ATF6: variants seen among roughly 807,000 people sequenced by gnomAD.
ATF6 encodes cyclic AMP-dependent transcription factor ATF-6 alpha.
ATF6 carries 53 observed loss-of-function variants against 83.6 expected under a neutral mutation model. The observed-to-expected ratio is 0.63, with a 90% confidence interval of 0.51 to 0.80. The LOEUF is 0.80. ATF6 is among the 30% of genes least tolerant of loss of function. The probability of loss-of-function intolerance (pLI) is 0.00; values close to 1 mark genes in which losing one functional copy is unlikely to be tolerated. For missense variants in ATF6, 744 were observed against 797.9 expected (o/e 0.93, Z 0.81); for synonymous variants, 288 against 285.8 (o/e 1.01, Z -0.08).
intron 15 of ATF6, among the ~76,000 whole-genome samples, chr1:161,934,293 T>TA (rs1337454584): frequency 6.6e-6 from 1 of 152,158 alleles, no homozygotes; most frequent in African/African-American, 2.4e-5. Context: ...CAAAACTTTT[T>TA]AAAGAAAAGT....
intron 14 of ATF6, among the ~76,000 whole-genome samples, chr1:161,876,716 C>T (rs12021568): frequency 0.14 from 21,528 of 151,928 alleles, 2,088 homozygotes; most frequent in East Asian, 0.31. Context: ...AATGTATGGT[C>T]ATTTTTTATT....
Position 161,810,150 on chromosome 1 carries a change from C to G in ATF6, c.909+7878C>G, listed in dbSNP as rs112175965. Among the ~76,000 whole-genome samples the G allele has an allele frequency of 9.8e-3, 1,495 of 152,242 alleles. 8 individuals are homozygous for G. Among genetic ancestry groups the G allele is most frequent in the South Asian group, 0.017 (83 of 4,814 alleles). ...AATCAGCATCCTATATTAGTCAGTT[C>G]TCACACTTCTATAAAGAAATACCTG... On this transcript the variant is annotated intron_variant, in intron 7 of 15. Transcript: ENST00000367942.
At chr1:161,794,070 C>A (rs531186989) in intron 6 of ATF6, among the ~76,000 whole-genome samples, 5 of 152,176 alleles carry the variant, frequency 3.3e-5, no homozygotes, top group Admixed American at 6.5e-5. Context: ...CCATGCCCAG[C>A]TAATTTTTAT....
intron 15 of ATF6, among the ~76,000 whole-genome samples, chr1:161,941,442 T>C (rs1327935744): frequency 1.3e-5 from 2 of 152,196 alleles, no homozygotes; most frequent in Non-Finnish European, 2.9e-5. Flanking sequence ...TGGGAGAAGT[T>C]GTGTGGACTT....
At chr1:161,946,155 C>T (rs1451767559) in intron 15 of ATF6, among the ~76,000 whole-genome samples, 1 of 152,088 alleles carries the variant, frequency 6.6e-6, no homozygotes, top group African/African-American at 2.4e-5. Flanking sequence ...CCATCATGCC[C>T]AGCTAATTTT....
chr1:161,825,403 G>A (rs1180056078), intron 9 of ATF6, among the ~76,000 whole-genome samples: 3 of 152,188 alleles, frequency 2.0e-5, no homozygotes, highest in Non-Finnish European at 4.4e-5. Flanking sequence ...TAAGGGCTGA[G>A]TATCCAAAGA....
At chr1:161,791,691 C>T (rs944875710) in intron 5 of ATF6, among the ~76,000 whole-genome samples, 154 bp downstream of exon 5, 33 of 152,012 alleles carry the variant, frequency 2.2e-4, no homozygotes, top group Non-Finnish European at 3.8e-4. Context: ...GAGTGATTAC[C>T]GTGGAGAGGA....
intron 14 of ATF6, among the ~76,000 whole-genome samples, chr1:161,908,739 T>C (rs1000278397): frequency 2.0e-5 from 3 of 152,242 alleles, no homozygotes; most frequent in African/African-American, 7.2e-5. Context: ...TATATTTCTT[T>C]CTATGGCAAC....
At chr1:161,799,983 G>A (rs969479457) in intron 6 of ATF6, among the ~76,000 whole-genome samples, 14 of 151,864 alleles carry the variant, frequency 9.2e-5, no homozygotes, top group African/African-American at 3.4e-4. Flanking sequence ...TATTTTAGTT[G>A]CCAGTTATTT....
intron 14 of ATF6, among the ~76,000 whole-genome samples, chr1:161,898,015 A>G (rs962113571): frequency 1.3e-5 from 2 of 152,150 alleles, no homozygotes; most frequent in African/African-American, 4.8e-5. Context: ...CTCTTGTGGT[A>G]TATTTTGGAG....
intron 1 of ATF6, among the ~76,000 whole-genome samples, chr1:161,770,903 T>A (rs902498809): frequency 1.3e-5 from 2 of 152,212 alleles, no homozygotes; most frequent in African/African-American, 4.8e-5. Flanking sequence ...TTGTAAGAAA[T>A]TGCCAAACTG....
rs188293378 is a variant in ATF6 at position 161,927,756 on chromosome 1, A to G, written c.1804+15376A>G. Among the ~76,000 whole-genome samples the G allele has an allele frequency of 4.1e-3, 617 of 152,340 alleles. 2 individuals carry two copies. The highest frequency in any genetic ancestry group is 6.6e-3 in the Non-Finnish European group (447 of 68,022). The stretch of plus-strand genomic sequence containing the variant: ...ATATTAATTTTCCCATTTAAAATAG[A>G]TAATATTCAGTGTTCGATGAAGAAA... On this transcript the variant is annotated intron_variant, in intron 15 of 15. Coordinates refer to ENST00000367942, the MANE Select transcript of ATF6 (RefSeq NM_007348.4).
At chr1:161,777,031 A>C (rs1684531419) in intron 1 of ATF6, among the ~76,000 whole-genome samples, 1 of 152,234 alleles carries the variant, frequency 6.6e-6, no homozygotes, top group Non-Finnish European at 1.5e-5. Flanking sequence ...GCTTCAGTTA[A>C]AATGAAAGGA....
chr1:161,820,104 C>T (rs1395215885), intron 8 of ATF6, among the ~76,000 whole-genome samples: 1 of 152,104 alleles, frequency 6.6e-6, no homozygotes. Flanking sequence ...ACTGAGGCTT[C>T]TAAAGTGCCC....
intron 1 of ATF6, among the ~76,000 whole-genome samples, chr1:161,773,580 T>G (rs929628250): frequency 5.9e-5 from 9 of 152,132 alleles, no homozygotes; most frequent in Non-Finnish European, 1.0e-4. Flanking sequence ...ACTGCTGTTT[T>G]TAAGGGCACT....
intron 15 of ATF6, among the ~76,000 whole-genome samples, chr1:161,918,959 C>A (rs918508924): frequency 7.9e-5 from 12 of 152,072 alleles, no homozygotes; most frequent in African/African-American, 2.9e-4. Context: ...TAAACTGTAA[C>A]GTATTATGAT....
intron 6 of ATF6, among the ~76,000 whole-genome samples, chr1:161,799,235 A>G (rs1685086796): frequency 6.6e-6 from 1 of 152,216 alleles, no homozygotes; most frequent in South Asian, 2.1e-4. Flanking sequence ...TACACCATTC[A>G]ATACTACACA....
At chr1:161,814,151 T>C (rs2101774382) in intron 7 of ATF6, among the ~76,000 whole-genome samples, 1 of 152,380 alleles carries the variant, frequency 6.6e-6, no homozygotes, top group Non-Finnish European at 1.5e-5. Context: ...CCCAAAGTGC[T>C]GGGATTACAG....
chr1:161,771,114 T>C (rs1188392586), intron 1 of ATF6, among the ~76,000 whole-genome samples: 1 of 152,222 alleles, frequency 6.6e-6, no homozygotes, highest in Non-Finnish European at 1.5e-5. Context: ...ATTTGCCGTC[T>C]GTATGTTTTA....
Sources: allele counts gnomAD v4.1 joint callset (sites outside exome capture counted in the v4.1 genomes callset), GRCh38; gene constraint gnomAD v4.1.1; transcripts MANE v1.5; gene names NCBI Gene and HGNC (gene_info 2026-07-23, HGNC 2026-07-21).